The following WBP2NL variants were observed in gnomAD, a reference collection of about 807,000 sequenced individuals.
WBP2NL encodes WBP2 N-terminal like, also known as postacrosomal sheath WW domain-binding protein.
In WBP2NL, 27 loss-of-function variants were observed where a neutral mutation model predicts 23.3. The observed-to-expected ratio is 1.16, with a 90% CI of 0.85 to 1.60. The LOEUF (loss-of-function observed/expected upper bound fraction) is 1.60. Among genes scored for constraint, WBP2NL ranks in the 40% most tolerant of loss-of-function variants. The pLI is 0.00. For missense variants in WBP2NL, 370 were observed against 389.5 expected (o/e 0.95, Z 0.42); for synonymous variants, 151 against 145.9 (o/e 1.03, Z -0.25).
Position 41,998,791 on chromosome 22 carries a change from T to G in WBP2NL, c.-28T>G. 6.2e-7 allele frequency: 1 copy of G among 1,601,860 alleles called. No homozygotes were observed. Among genetic ancestry groups the G allele is most frequent in the Non-Finnish European group, 8.5e-7 (1 of 1,173,430 alleles). ...GGCGCAGGTCCCGCCCCTTTCCATC[T>G]ACGGGGCGGCAGGAGGCCCGAAGCA... On this transcript the variant is annotated 5_prime_UTR_variant, in exon 1 of 6. Coordinates refer to ENST00000328823, the MANE Select transcript of WBP2NL (RefSeq NM_152613.3).
chr22:42,040,228 C>CTT (rs879885889), intron 8 of WBP2NL, among the ~76,000 whole-genome samples: 2 of 140,094 alleles, frequency 1.4e-5, no homozygotes, highest in Non-Finnish European at 1.6e-5. Flanking sequence ...CTCTCTCTCT[C>CTT]TTTTTTTTTT....
chr22:42,006,789 A>G (rs1303580503), intron 1 of WBP2NL, among the ~76,000 whole-genome samples: 2 of 152,222 alleles, frequency 1.3e-5, no homozygotes, highest in Non-Finnish European at 2.9e-5. Flanking sequence ...CCTCTTGCCT[A>G]TTCACAATAC....
At chr22:42,038,155 A>G (rs928365016) in intron 8 of WBP2NL, among the ~76,000 whole-genome samples, 4 of 152,102 alleles carry the variant, frequency 2.6e-5, no homozygotes, top group African/African-American at 7.2e-5. Flanking sequence ...AATTTCTTCC[A>G]TACTTGTTTT....
At chr22:42,041,918 T>C (rs548617217) in intron 8 of WBP2NL, among the ~76,000 whole-genome samples, 140 of 152,334 alleles carry the variant, frequency 9.2e-4, no homozygotes, top group African/African-American at 3.1e-3. Context: ...AGACTATCTC[T>C]CTTTCAGTTT....
At chr22:42,024,803 CTTTT>C (rs133345) in intron 5 of WBP2NL, among the ~76,000 whole-genome samples, 2 of 124,874 alleles carry the variant, frequency 1.6e-5, no homozygotes, top group African/African-American at 2.9e-5. Context: ...TTGATAATGA[CTTTT>C]TTTTTTTTTT....
At chr22:42,011,277 C>T (rs568460597) in intron 1 of WBP2NL, among the ~76,000 whole-genome samples, 20 of 151,932 alleles carry the variant, frequency 1.3e-4, no homozygotes, top group Admixed American at 2.0e-4. Flanking sequence ...GAGACAGGTT[C>T]TCACTCTGTC....
intron 8 of WBP2NL, among the ~76,000 whole-genome samples, chr22:42,040,474 C>T (rs150844914): frequency 1.5e-4 from 23 of 152,264 alleles, no homozygotes; most frequent in Middle Eastern, 3.4e-3. Flanking sequence ...CTGCCTGCCT[C>T]GGCCTCCCAA....
At chr22:42,035,826 C>T (rs1020427688), downstream of WBP2NL, among the ~76,000 whole-genome samples, 4 of 152,172 alleles carry the variant, frequency 2.6e-5, no homozygotes, top group Non-Finnish European at 4.4e-5. Flanking sequence ...TCCCCCTCTT[C>T]CCAGCCCCTG....
chr22:41,999,336 C>T (rs1205545345), intron 1 of WBP2NL, among the ~76,000 whole-genome samples: 2 of 152,146 alleles, frequency 1.3e-5, no homozygotes, highest in African/African-American at 2.4e-5. Flanking sequence ...AACAAGGTGT[C>T]GCTCTTTGGT....
rs539573245 is a variant in WBP2NL at position 42,006,386 on chromosome 22, A to G, written c.62+7506A>G. 1.8e-3 allele frequency among the ~76,000 whole-genome samples: 270 copies of G among 152,164 alleles called. 1 individual carries two copies. The highest frequency in any genetic ancestry group is 6.3e-3 in the African/African-American group (262 of 41,538). On this transcript the variant is annotated intron_variant, in intron 1 of 5. Transcript: ENST00000328823. Reference sequence around the variant, plus strand: ...CAGGCACCCGCCACCACACTCGGCTAATTTTTTGTATTTTTAGTAGAGACT... The same window carrying G: ...CAGGCACCCGCCACCACACTCGGCTGATTTTTTGTATTTTTAGTAGAGACT...
intron 8 of WBP2NL, among the ~76,000 whole-genome samples, chr22:42,048,749 C>T (rs1441638247): frequency 2.3e-5 from 3 of 129,570 alleles, no homozygotes; most frequent in Non-Finnish European, 4.9e-5. Flanking sequence ...GAGCGAGACT[C>T]GGTCTCAAAA....
intron 1 of WBP2NL, among the ~76,000 whole-genome samples, chr22:42,014,121 A>G (rs903007185): frequency 2.0e-5 from 3 of 150,926 alleles, no homozygotes; most frequent in Non-Finnish European, 2.9e-5. Context: ...AGGTTTCACT[A>G]TGTTGCCCAA....
At chr22:42,020,654 G>A (rs929059501) in intron 4 of WBP2NL, among the ~76,000 whole-genome samples, 1 of 150,802 alleles carries the variant, frequency 6.6e-6, no homozygotes, top group African/African-American at 2.5e-5. Context: ...TTGGGTCAGG[G>A]AGCCCTTAGT....
chr22:42,027,052 A>C lies in WBP2NL; in HGVS notation c.801A>C (p.Glu267Asp). ...ATGGAGCCCCACCTGCAGGAAATGA[A>C]GGCCCGCCTGCGGGATACAGAGCCT... Reference protein sequence around the residue: ...LGYGAPPAGNEGPPAGYRASP... With the variant: ...LGYGAPPAGNDGPPAGYRASP... The change falls in exon 6 of 6, where the codon GAA (glutamate) becomes GAC (aspartate). Residue 267 changes from glutamate to aspartate, a missense_variant. Transcript: ENST00000328823. 2.5e-6 allele frequency: 4 copies of C among 1,614,172 alleles called. No individual in the cohort carries two copies. The highest frequency in any genetic ancestry group is 3.4e-6 in the Non-Finnish European group (4 of 1,179,992).
rs569421612 is a variant in WBP2NL, at chr22:42,026,812, C to T, written c.561C>T (p.Pro187=). ...APPAGYGAPP[P]GYGAPPAGYG... The stretch of plus-strand genomic sequence containing the variant: ...CTGCAGGATATGGAGCCCCACCTCC[C>T]GGATACGGAGCCCCACCTGCAGGAT... Residue 187 remains proline, a synonymous_variant, in exon 6 of 6, where the codon CCC becomes CCT. Coordinates refer to ENST00000328823, the MANE Select transcript of WBP2NL (RefSeq NM_152613.3). The T allele has an allele frequency of 6.6e-5, 106 of 1,609,794 alleles. No homozygotes were observed. In the African/African-American group the frequency reaches 8.9e-4, roughly 14 times the overall value.
intron 2 of WBP2NL, 91 bp from the exon 3 acceptor site, chr22:42,019,571 C>T: frequency 6.4e-7 from 1 of 1,562,274 alleles, no homozygotes; most frequent in Non-Finnish European, 8.7e-7. Flanking sequence ...GATGATGTTT[C>T]TCAGTTAGAC....
intron 1 of WBP2NL, among the ~76,000 whole-genome samples, chr22:42,010,683 C>G (rs934653363): frequency 2.6e-5 from 4 of 151,864 alleles, no homozygotes; most frequent in Non-Finnish European, 5.9e-5. Context: ...GGACTACAGG[C>G]GCCCACCACC....
intron 5 of WBP2NL, among the ~76,000 whole-genome samples, chr22:42,025,347 T>A (rs1268482872): frequency 1.3e-5 from 2 of 152,238 alleles, no homozygotes; most frequent in South Asian, 2.1e-4. Context: ...ATGAGATTTT[T>A]AAAAATAGCT....
chr22:42,014,332 C>T (rs1923112546), intron 1 of WBP2NL, among the ~76,000 whole-genome samples: 1 of 152,162 alleles, frequency 6.6e-6, no homozygotes, highest in Non-Finnish European at 1.5e-5. Flanking sequence ...CTGAAGCAAT[C>T]CTCCCACCTC....
Sources: allele counts gnomAD v4.1 joint callset (sites outside exome capture counted in the v4.1 genomes callset), GRCh38; gene constraint gnomAD v4.1.1; transcripts MANE v1.5; gene names NCBI Gene and HGNC (gene_info 2026-07-23, HGNC 2026-07-21).